The following FRMPD1 variants were observed in gnomAD, a reference collection of about 807,000 sequenced individuals.
FRMPD1 encodes FERM and PDZ domain-containing protein 1.
In FRMPD1, 76 loss-of-function variants were observed where a neutral mutation model predicts 117.8. The ratio of observed to expected loss-of-function variants is 0.65; its 90% CI spans 0.54 to 0.78. The LOEUF is 0.78. Among genes scored for constraint, FRMPD1 ranks in the 30% least tolerant of loss-of-function variants. The pLI is 0.00. For synonymous variants in FRMPD1, 783 were observed against 770.4 expected, an observed-to-expected ratio of 1.02 and a Z score of -0.27; for missense variants, 1,786 against 1,964.5, an observed-to-expected ratio of 0.91 and a Z score of 1.72.
intron 1 of FRMPD1, among the ~76,000 whole-genome samples, chr9:37,688,046 A>G (rs1822008450): frequency 6.6e-6 from 1 of 152,084 alleles, no homozygotes; most frequent in African/African-American, 2.4e-5. Context: ...TAACTGTGTT[A>G]ACCTCTAGGG....
intron 1 of FRMPD1, among the ~76,000 whole-genome samples, chr9:37,673,075 A>G (rs982564190): frequency 2.0e-5 from 3 of 152,164 alleles, no homozygotes; most frequent in African/African-American, 7.2e-5. Context: ...ATTCATTTCA[A>G]CATTAACCCA....
At chr9:37,667,450 G>T (rs62533865) in intron 1 of FRMPD1, among the ~76,000 whole-genome samples, 1 of 149,226 alleles carries the variant, frequency 6.7e-6, no homozygotes, top group South Asian at 2.1e-4. Context: ...AGGCGGGCGG[G>T]TTGCTTGAGG....
chr9:37,655,654 C>T (rs1479806559), intron 1 of FRMPD1, among the ~76,000 whole-genome samples: 1 of 152,002 alleles, frequency 6.6e-6, no homozygotes, highest in African/African-American at 2.4e-5. Context: ...CAGGCACCTG[C>T]CACCATGCCC....
At chr9:37,647,510 C>CAAAA (rs369681968), upstream of FRMPD1, among the ~76,000 whole-genome samples, 2 of 80,340 alleles carry the variant, frequency 2.5e-5, no homozygotes, top group African/African-American at 4.9e-5. Context: ...GACTCCGTTT[C>CAAAA]AAAAAAAAAA....
intron 2 of FRMPD1, among the ~76,000 whole-genome samples, chr9:37,699,458 T>C (rs1822456426): frequency 6.6e-6 from 1 of 151,902 alleles, no homozygotes; most frequent in Non-Finnish European, 1.5e-5. Context: ...TAGCTGGAAT[T>C]ACAGGCATGC....
chr9:37,652,689 C>T (rs956741423), intron 1 of FRMPD1, among the ~76,000 whole-genome samples: 3 of 152,206 alleles, frequency 2.0e-5, no homozygotes, highest in African/African-American at 7.2e-5. Flanking sequence ...CTGACGCATT[C>T]AAATGCCACC....
the FRMPD1 span, among the ~76,000 whole-genome samples, chr9:37,607,248 G>A: frequency 3.9e-3 from 594 of 152,152 alleles, 3 homozygotes; most frequent in African/African-American, 0.014. Context: ...CCCGAGAGGC[G>A]GAGGTTGCAG....
the FRMPD1 span, among the ~76,000 whole-genome samples, chr9:37,636,105 C>A: frequency 6.6e-6 from 1 of 152,212 alleles, no homozygotes; most frequent in South Asian, 2.1e-4. Flanking sequence ...ATACTCAGAC[C>A]CCACCGCAGC....
chr9:37,668,744 T>C (rs16934347), intron 1 of FRMPD1, among the ~76,000 whole-genome samples: 14,572 of 152,228 alleles, frequency 0.096, 989 homozygotes, highest in African/African-American at 0.19. Context: ...TGAGCACTTA[T>C]CCTTTATGAA....
intron 1 of FRMPD1, among the ~76,000 whole-genome samples, chr9:37,683,982 G>A (rs1821830773): frequency 6.6e-6 from 1 of 151,056 alleles, no homozygotes; most frequent in Non-Finnish European, 1.5e-5. Flanking sequence ...AAAAGGCTTT[G>A]CGGGGAACAA....
At chr9:37,703,585 A>G (rs544177739) in intron 2 of FRMPD1, among the ~76,000 whole-genome samples, 9 of 152,304 alleles carry the variant, frequency 5.9e-5, no homozygotes, top group Admixed American at 1.3e-4. Context: ...GTACAATTCA[A>G]TGGTTCTTAG....
At chr9:37,732,002 A>G (rs1040053404) in intron 9 of FRMPD1, among the ~76,000 whole-genome samples, 13 of 152,238 alleles carry the variant, frequency 8.5e-5, no homozygotes, top group African/African-American at 2.7e-4. Context: ...TAATAATAAT[A>G]GCAATAACAA....
the FRMPD1 span, among the ~76,000 whole-genome samples, chr9:37,638,274 T>C: frequency 2.0e-5 from 3 of 152,018 alleles, no homozygotes; most frequent in African/African-American, 7.3e-5. Context: ...GGTTTCACCA[T>C]GTTGGCCAGG....
chr9:37,624,958 A>G, the FRMPD1 span, among the ~76,000 whole-genome samples: 9 of 152,188 alleles, frequency 5.9e-5, no homozygotes, highest in South Asian at 2.1e-4. Context: ...CCCTCAACAT[A>G]CTATACCCTC....
At chr9:37,686,222 A>G (rs1821936176) in intron 1 of FRMPD1, among the ~76,000 whole-genome samples, 2 of 152,234 alleles carry the variant, frequency 1.3e-5, no homozygotes, top group South Asian at 2.1e-4. Flanking sequence ...AAAGATTTCT[A>G]TGTTTGAATC....
At chr9:37,735,786 A>G (rs533045360) in intron 13 of FRMPD1, 52 bp downstream of exon 13, 1 of 1,291,728 alleles carries the variant, frequency 7.7e-7, no homozygotes, top group African/African-American at 1.5e-5. Flanking sequence ...TTGGGGCCAA[A>G]TAGGGGCCAG....
the FRMPD1 span, among the ~76,000 whole-genome samples, chr9:37,643,779 A>C: frequency 3.3e-3 from 500 of 152,270 alleles, 3 homozygotes; most frequent in African/African-American, 0.011. Flanking sequence ...TAGTTCAGCG[A>C]TCATGAAAGG....
intron 1 of FRMPD1, among the ~76,000 whole-genome samples, chr9:37,658,848 T>TCACATTACAGG (rs1408747063): frequency 6.6e-6 from 1 of 152,114 alleles, no homozygotes; most frequent in Non-Finnish European, 1.5e-5. Flanking sequence ...GTTCCTGGGA[T>TCACATTACAGG]TGGGACTTGG....
At chr9:37,628,622 T>G in the FRMPD1 span, among the ~76,000 whole-genome samples, 3 of 152,212 alleles carry the variant, frequency 2.0e-5, no homozygotes, top group African/African-American at 7.2e-5. Context: ...GTTTTGTAGC[T>G]GCAAAGTGCT....
Sources: allele counts gnomAD v4.1 joint callset (sites outside exome capture counted in the v4.1 genomes callset), GRCh38; gene constraint gnomAD v4.1.1; transcripts MANE v1.5; gene names NCBI Gene and HGNC (gene_info 2026-07-23, HGNC 2026-07-21).